TBCE: variants seen among roughly 807,000 people sequenced by gnomAD.
TBCE encodes the protein tubulin folding cofactor E, also known as tubulin-specific chaperone E.
Under a neutral mutation model 77.0 loss-of-function variants are expected in TBCE, and 53 were observed. That is an observed-to-expected ratio of 0.69 (90% CI 0.55 to 0.87). The LOEUF (loss-of-function observed/expected upper bound fraction) is 0.87. Ranked by LOEUF, TBCE falls within the 40% of genes least tolerant of loss-of-function variation. The probability of loss-of-function intolerance (pLI) is 0.00; values close to 1 mark genes in which losing one functional copy is unlikely to be tolerated. For missense variants in TBCE, 624 were observed against 622.4 expected (o/e 1.00, Z -0.03); for synonymous variants, 235 against 241.3 (o/e 0.97, Z 0.24).
intron 5 of TBCE, among the ~76,000 whole-genome samples, chr1:235,422,184 A>G (rs896491305): frequency 3.9e-5 from 6 of 152,232 alleles, no homozygotes; most frequent in Admixed American, 3.3e-4. Flanking sequence ...AGCATTCTGC[A>G]TTCTGCCTGG....
At chr1:235,420,823 G>A (rs1054771388) in intron 5 of TBCE, among the ~76,000 whole-genome samples, 8 of 151,930 alleles carry the variant, frequency 5.3e-5, no homozygotes, top group Non-Finnish European at 4.4e-5. Context: ...ATGGGGTTTC[G>A]CCACATTGGC....
intron 2 of TBCE, among the ~76,000 whole-genome samples, chr1:235,385,146 C>T (rs1026969572): frequency 2.6e-5 from 4 of 152,082 alleles, no homozygotes; most frequent in Admixed American, 2.0e-4. Context: ...TTTCTTAATC[C>T]TGAATTCTAG....
intron 1 of TBCE, among the ~76,000 whole-genome samples, chr1:235,378,866 A>G (rs1195603569): frequency 6.6e-6 from 1 of 152,084 alleles, no homozygotes; most frequent in East Asian, 1.9e-4. Context: ...GTCTCAAGAA[A>G]AGAAAAAAAG....
chr1:235,436,015 G>A (rs1681429236), intron 9 of TBCE, 175 bp downstream of exon 9: 2 of 656,758 alleles, frequency 3.0e-6, no homozygotes, highest in Admixed American at 2.6e-5. Flanking sequence ...ATTTACTTGT[G>A]AACCCTGTAT....
chr1:235,369,659 T>TAAA lies in TBCE; in HGVS notation c.-32+2162_-32+2164dup, dbSNP rs55928332. Among the ~76,000 whole-genome samples the TAAA allele has an allele frequency of 5.2e-3, 783 of 151,582 alleles. 9 individuals are homozygous for TAAA. The highest frequency in any genetic ancestry group is 0.018 in the African/African-American group (754 of 41,370). On this transcript the variant is annotated intron_variant, in intron 1 of 16. Transcript: ENST00000642610. Reference sequence around the variant, plus strand: ...CAAAGTGGCGAAACCCCGTCTCTACTAAAAAAAAACACAAAAAATTACCCA... The same window carrying TAAA: ...CAAAGTGGCGAAACCCCGTCTCTACTAAAAAAAAAAAACACAAAAAATTACCCA...
intron 2 of TBCE, among the ~76,000 whole-genome samples, chr1:235,385,007 G>T (rs1278438256): frequency 1.3e-5 from 2 of 151,964 alleles, no homozygotes; most frequent in Non-Finnish European, 2.9e-5. Context: ...AGAGATTCTG[G>T]TATGTTGTGT....
At chr1:235,425,051 T>C (rs1680630137) in intron 5 of TBCE, among the ~76,000 whole-genome samples, 1 of 152,204 alleles carries the variant, frequency 6.6e-6, no homozygotes, top group African/African-American at 2.4e-5. Context: ...TTGGGAGCCC[T>C]GGGCTTCTTG....
At chr1:235,370,400 A>ATG (rs1676839007) in intron 1 of TBCE, among the ~76,000 whole-genome samples, 1 of 151,382 alleles carries the variant, frequency 6.6e-6, no homozygotes. Context: ...TTACAGGCGC[A>ATG]TGCCACCATG....
intron 1 of TBCE, among the ~76,000 whole-genome samples, chr1:235,370,814 T>G (rs1420754862): frequency 6.7e-6 from 1 of 150,370 alleles, no homozygotes; most frequent in Non-Finnish European, 1.5e-5. Flanking sequence ...TGATGTCGGC[T>G]CACTGCAACC....
chr1:235,420,318 CT>C (rs796709432), intron 5 of TBCE, among the ~76,000 whole-genome samples: 364 of 141,144 alleles, frequency 2.6e-3, no homozygotes, highest in Middle Eastern at 3.5e-3. Flanking sequence ...TCATGCAGTT[CT>C]TTTTTTTTTT....
intron 13 of TBCE, among the ~76,000 whole-genome samples, chr1:235,440,553 C>T (rs1293261616): frequency 3.9e-5 from 6 of 152,034 alleles, no homozygotes; most frequent in East Asian, 1.9e-4. Context: ...CCACCATGCC[C>T]GGCTAATTTT....
At chr1:235,443,036 A>AGTCT in intron 15 of TBCE, 125 bp downstream of exon 15, 1 of 916,468 alleles carries the variant, frequency 1.1e-6, no homozygotes. Context: ...GGTTTTCATT[A>AGTCT]GTCTTTTATA....
chr1:235,367,650 G>T (rs1025690112), intron 1 of TBCE, 146 bp downstream of exon 1: 1 of 152,550 alleles, frequency 6.6e-6, no homozygotes. Flanking sequence ...GCTGGGAGGC[G>T]GTCCAGCCGG....
Position 235,437,421 on chromosome 1 carries a change from C to T in TBCE, c.1063C>T (p.Arg355Ter), listed in dbSNP as rs139840338. The T allele has an allele frequency of 1.1e-5, 17 of 1,613,962 alleles. No homozygotes were observed. Among genetic ancestry groups the T allele is most frequent in the East Asian group, 2.2e-5 (1 of 44,904 alleles). ...TKEDKEAETARLLIIASIGQL... is the reference protein window; with the variant it reads ...TKEDKEAETA Reference sequence around the variant, plus strand: ...AGAGGACAAAGAAGCAGAGACGGCGCGACTACTCATTATCGCCAGCATTGG... The same window carrying T: ...AGAGGACAAAGAAGCAGAGACGGCGTGACTACTCATTATCGCCAGCATTGG... The change falls in exon 12 of 17, where the codon CGA (arginine) becomes TGA (stop). Residue 355 changes from arginine to a stop codon, truncating the protein, a stop_gained. Coordinates refer to ENST00000642610, the MANE Select transcript of TBCE (RefSeq NM_003193.5). LOFTEE classifies it high-confidence loss of function.
Position 235,450,052 on chromosome 1 carries a change from T to G in TBCE, c.*1290T>G. The G allele has an allele frequency of 4.6e-6, 4 of 873,230 alleles. No individual in the cohort carries two copies. Among genetic ancestry groups the G allele is most frequent in the Non-Finnish European group, 6.8e-6 (4 of 586,414 alleles). 54.1% of individuals were successfully genotyped at this position (873,230 alleles called of 1,614,324 possible). Reference sequence around the variant, plus strand: ...TTTTTAAGGAAATTTGTGCAAACATTAAGAAACACCGCATTGGTTCTGGGT... The same window carrying G: ...TTTTTAAGGAAATTTGTGCAAACATGAAGAAACACCGCATTGGTTCTGGGT... On this transcript the variant is annotated 3_prime_UTR_variant, in exon 17 of 17. Coordinates refer to ENST00000642610, the MANE Select transcript of TBCE (RefSeq NM_003193.5).
intron 1 of TBCE, among the ~76,000 whole-genome samples, chr1:235,370,129 T>C (rs1676818017): frequency 6.6e-6 from 1 of 152,160 alleles, no homozygotes; most frequent in South Asian, 2.1e-4. Flanking sequence ...TCGTTATCCT[T>C]GTGCTTATCA....
chr1:235,379,175 T>C (rs1242451388), intron 1 of TBCE, among the ~76,000 whole-genome samples: 1 of 152,146 alleles, frequency 6.6e-6, no homozygotes, highest in African/African-American at 2.4e-5. Flanking sequence ...GCTGATACCC[T>C]TTCATTCTCA....
At chr1:235,422,817 G>A (rs1008426296) in intron 5 of TBCE, among the ~76,000 whole-genome samples, 17 of 152,332 alleles carry the variant, frequency 1.1e-4, no homozygotes, top group African/African-American at 3.6e-4. Flanking sequence ...CGACAAGAGC[G>A]AGACTCCGTC....
intron 8 of TBCE, 99 bp from the exon 9 acceptor site, chr1:235,435,646 C>G: frequency 1.7e-6 from 2 of 1,159,464 alleles, no homozygotes; most frequent in Non-Finnish European, 2.6e-6. Context: ...CTTCTTATCC[C>G]CAGCCCTCCA....
Sources: gnomAD v4.1 joint callset for allele counts (sites outside exome capture counted in the v4.1 genomes callset) on GRCh38, gnomAD v4.1.1 for gene constraint, MANE v1.5 for transcripts, NCBI Gene and HGNC (gene_info 2026-07-23, HGNC 2026-07-21) for gene names.